XKR9: variants seen among roughly 807,000 people sequenced by gnomAD.
XKR9 encodes XK related 9.
A neutral mutation model predicts 32.0 loss-of-function variants in XKR9; 32 were observed. The observed-to-expected ratio is 1.00, with a 90% CI of 0.76 to 1.34. XKR9 has a LOEUF of 1.34. Ranked by LOEUF, XKR9 falls within the 40% of genes most tolerant of loss-of-function variation. The pLI is 0.00. For missense variants in XKR9, 546 were observed against 429.7 expected (o/e 1.27, Z -2.39); for synonymous variants, 168 against 143.4 (o/e 1.17, Z -1.22).
the XKR9 span, among the ~76,000 whole-genome samples, chr8:70,962,483 A>G: frequency 6.6e-6 from 1 of 152,176 alleles, no homozygotes; most frequent in Admixed American, 6.5e-5. Flanking sequence ...TTCCTGCATT[A>G]ATTCACTTAG....
At chr8:70,823,939 C>G in the XKR9 span, among the ~76,000 whole-genome samples, 1 of 152,180 alleles carries the variant, frequency 6.6e-6, no homozygotes, top group African/African-American at 2.4e-5. Context: ...AATAAAGTCA[C>G]TATTCTCAAA....
chr8:70,926,084 C>A, the XKR9 span, among the ~76,000 whole-genome samples: 1 of 151,986 alleles, frequency 6.6e-6, no homozygotes, highest in East Asian at 1.9e-4. Flanking sequence ...TTTTTCTAAA[C>A]TTTTTTTGAG....
chr8:70,783,327 C>T (rs146724855), intron 2 of XKR9, among the ~76,000 whole-genome samples: 1,527 of 151,726 alleles, frequency 0.01, 23 homozygotes, highest in African/African-American at 0.035. Context: ...CCTGGGTTCA[C>T]GCCATTGTCC....
At chr8:71,004,298 A>C in the XKR9 span, among the ~76,000 whole-genome samples, 1 of 152,160 alleles carries the variant, frequency 6.6e-6, no homozygotes, top group Non-Finnish European at 1.5e-5. Flanking sequence ...GTTAACAGGG[A>C]TACACAATCT....
chr8:70,990,701 G>A, the XKR9 span, among the ~76,000 whole-genome samples: 2 of 151,374 alleles, frequency 1.3e-5, no homozygotes, highest in Non-Finnish European at 2.9e-5. Context: ...AAAATTCTCT[G>A]AGACTGATAA....
At chr8:70,719,108 C>T (rs1272638517) in intron 4 of XKR9, among the ~76,000 whole-genome samples, 5 of 151,890 alleles carry the variant, frequency 3.3e-5, no homozygotes, top group African/African-American at 9.7e-5. Flanking sequence ...GGCCACATGT[C>T]TTCTTTTGAG....
chr8:70,762,973 T>G (rs1361075992), intron 2 of XKR9, among the ~76,000 whole-genome samples: 1 of 152,156 alleles, frequency 6.6e-6, no homozygotes, highest in Non-Finnish European at 1.5e-5. Context: ...TGTGGTGGAT[T>G]TTTTGGTAAA....
chr8:70,979,830 G>A, the XKR9 span, among the ~76,000 whole-genome samples: 1,487 of 152,312 alleles, frequency 9.8e-3, 23 homozygotes, highest in African/African-American at 0.034. Context: ...AGAAGTTTCT[G>A]CTGCCTTTTA....
chr8:70,977,016 A>G, the XKR9 span, among the ~76,000 whole-genome samples: 309 of 152,224 alleles, frequency 2.0e-3, 8 homozygotes, highest in Middle Eastern at 0.014. Context: ...AGAGGTGTTT[A>G]TAGTATTCTC....
chr8:70,883,154 A>G, the XKR9 span, among the ~76,000 whole-genome samples: 3 of 149,386 alleles, frequency 2.0e-5, no homozygotes, highest in South Asian at 2.1e-4. Flanking sequence ...ACAATTCCCC[A>G]AAGTCTATTT....
the XKR9 span, among the ~76,000 whole-genome samples, chr8:71,024,963 T>C: frequency 6.6e-6 from 1 of 152,248 alleles, no homozygotes; most frequent in Non-Finnish European, 1.5e-5. Flanking sequence ...GAAGCCCCTA[T>C]AATAATAGCT....
chr8:70,983,689 G>C, the XKR9 span, among the ~76,000 whole-genome samples: 1 of 152,116 alleles, frequency 6.6e-6, no homozygotes. Flanking sequence ...GCTGAGGCAG[G>C]AGAATCGCTT....
At chr8:70,710,743 AAAAC>A (rs1257035280) in intron 4 of XKR9, among the ~76,000 whole-genome samples, 3 of 151,868 alleles carry the variant, frequency 2.0e-5, no homozygotes, top group Non-Finnish European at 4.4e-5. Context: ...AAACAAACAA[AAAAC>A]AAAAGCAATT....
rs909411241 is a variant in XKR9, at chr8:70,706,977, A to G, written c.317A>G (p.Tyr106Cys). ...AGGGGTTACCATGCAGCTTTTAAAT[A>G]TGACAGCAATACTAGTAACTTCGTG... is the stretch of plus-strand genomic sequence containing the variant. ...LKRGYHAAFK[Y>C]DSNTSNFVEE... The change falls in exon 4 of 5, where the codon TAT becomes TGT. Residue 106 changes from tyrosine to cysteine, a missense_variant. Coordinates refer to ENST00000408926, the MANE Select transcript of XKR9 (RefSeq NM_001011720.2). 5 of 1,613,272 alleles carry G rather than the reference A, an allele frequency of 3.1e-6. No individual in the cohort carries two copies. The highest frequency in any genetic ancestry group is 4.2e-6 in the Non-Finnish European group (5 of 1,179,392).
chr8:71,052,182 A>G, the XKR9 span, among the ~76,000 whole-genome samples: 13 of 152,346 alleles, frequency 8.5e-5, no homozygotes, highest in African/African-American at 3.1e-4. Context: ...AGATTGCCCA[A>G]TGAATGCAGC....
In XKR9 at chr8:70,694,268, A is replaced by G. The variant is rs183622089; in HGVS notation, c.273-12665A>G. Among the ~76,000 whole-genome samples, 98 of 152,330 alleles carry G rather than the reference A, an allele frequency of 6.4e-4. 1 individual carries two copies. The highest frequency in any genetic ancestry group is 4.7e-4 in the Non-Finnish European group (32 of 68,010). On this transcript the variant is annotated intron_variant, in intron 3 of 4. Transcript: ENST00000408926. ...GGCACCCACTTAAAACAGTCTGGCC[A>G]CATTTTAGTAGAGCAGCTGTGTTGT...
chr8:70,990,676 A>T, the XKR9 span, among the ~76,000 whole-genome samples: 1 of 152,050 alleles, frequency 6.6e-6, no homozygotes, highest in Non-Finnish European at 1.5e-5. Flanking sequence ...ACAGAAAGTG[A>T]TAATAGCCAA....
chr8:70,955,726 A>G, the XKR9 span, among the ~76,000 whole-genome samples: 2 of 152,174 alleles, frequency 1.3e-5, no homozygotes, highest in African/African-American at 4.8e-5. Context: ...CCTGGCTCAG[A>G]TAACACACCT....
downstream of XKR9, among the ~76,000 whole-genome samples, chr8:70,792,090 C>A (rs550464329): frequency 6.6e-6 from 1 of 152,176 alleles, no homozygotes; most frequent in Admixed American, 6.6e-5. Context: ...GTTCTTTCTT[C>A]CAAGTGTTTT....
Sources: allele counts gnomAD v4.1 joint callset (sites outside exome capture counted in the v4.1 genomes callset), GRCh38; gene constraint gnomAD v4.1.1; transcripts MANE v1.5; gene names NCBI Gene and HGNC (gene_info 2026-07-23, HGNC 2026-07-21).